CDH13: variants seen among roughly 807,000 people sequenced by gnomAD.
CDH13 encodes the protein cadherin 13.
A neutral mutation model predicts 63.8 loss-of-function variants in CDH13; 24 were observed. The ratio of observed to expected loss-of-function variants is 0.38; its 90% confidence interval spans 0.27 to 0.53. The LOEUF is 0.53. Among genes scored for constraint, CDH13 ranks in the 20% least tolerant of loss-of-function variants. The pLI, the probability that CDH13 is intolerant of heterozygous loss-of-function variation, is 0.85. For missense variants in CDH13, 1,049 were observed against 903.1 expected, an observed-to-expected ratio of 1.16 and a Z score of -2.07; for synonymous variants, 503 against 355.3, an observed-to-expected ratio of 1.42 and a Z score of -4.67.
At chr16:82,731,945 G>T (rs970682979) in intron 1 of CDH13, among the ~76,000 whole-genome samples, 8 of 152,068 alleles carry the variant, frequency 5.3e-5, no homozygotes, top group Non-Finnish European at 1.0e-4. Context: ...CCTTTGAGTG[G>T]TTCCTCCACC....
intron 6 of CDH13, among the ~76,000 whole-genome samples, chr16:83,353,307 C>G (rs566149962): frequency 6.6e-6 from 1 of 152,346 alleles, no homozygotes; most frequent in South Asian, 2.1e-4. Context: ...GGCTCAGAAC[C>G]AAGACAGTCG....
intron 7 of CDH13, among the ~76,000 whole-genome samples, chr16:83,547,284 A>C (rs1290135457): frequency 6.6e-6 from 1 of 152,222 alleles, no homozygotes; most frequent in Non-Finnish European, 1.5e-5. Context: ...AACCTGGATA[A>C]GTGGCTGTTG....
intron 9 of CDH13, among the ~76,000 whole-genome samples, chr16:83,677,078 G>A (rs1915015053): frequency 6.6e-6 from 1 of 152,180 alleles, no homozygotes; most frequent in Non-Finnish European, 1.5e-5. Context: ...GTTCCAGTAA[G>A]CATTAGGAAC....
chr16:83,508,053 G>GAAGAAGGAAGGAAGGAAGGA (rs1432763500), intron 7 of CDH13, among the ~76,000 whole-genome samples: 4,215 of 66,796 alleles, frequency 0.063, 779 homozygotes, highest in South Asian at 0.11. Flanking sequence ...GAGAGAAAGA[G>GAAGAAGGAAGGAAGGAAGGA]AAGAAGGAAG....
chr16:83,745,232 G>C (rs944974521), intron 10 of CDH13, among the ~76,000 whole-genome samples: 1 of 152,152 alleles, frequency 6.6e-6, no homozygotes, highest in South Asian at 2.1e-4. Context: ...CAGGCCAGAC[G>C]CCTTCCAGGA....
intron 4 of CDH13, among the ~76,000 whole-genome samples, chr16:83,146,571 A>C (rs2036759882): frequency 6.6e-6 from 1 of 152,254 alleles, no homozygotes; most frequent in Non-Finnish European, 1.5e-5. Flanking sequence ...TTCTATTTCA[A>C]GAAAGCAAGA....
intron 5 of CDH13, among the ~76,000 whole-genome samples, chr16:83,257,037 A>G (rs1366957415): frequency 6.6e-6 from 1 of 152,044 alleles, no homozygotes; most frequent in Non-Finnish European, 1.5e-5. Flanking sequence ...AAGAAAGCAA[A>G]CACTGAACCA....
At chr16:83,444,255 G>A (rs766797829) in intron 6 of CDH13, among the ~76,000 whole-genome samples, 3 of 152,234 alleles carry the variant, frequency 2.0e-5, no homozygotes, top group Non-Finnish European at 4.4e-5. Flanking sequence ...TGATGGTAGA[G>A]GCTTACATTG....
intron 3 of CDH13, among the ~76,000 whole-genome samples, chr16:83,082,904 C>G (rs939239778): frequency 3.3e-5 from 5 of 152,124 alleles, no homozygotes; most frequent in African/African-American, 4.8e-5. Flanking sequence ...TCAGGCCATG[C>G]AAAGGGAAAA....
intron 3 of CDH13, among the ~76,000 whole-genome samples, chr16:83,093,470 C>G (rs913221725): frequency 6.6e-6 from 1 of 151,686 alleles, no homozygotes; most frequent in Non-Finnish European, 1.5e-5. Flanking sequence ...AGGCACCCAC[C>G]ACCATGCCTG....
rs192446571 is a variant in CDH13, at chr16:82,719,062, G to A, written c.45+91925G>A. On this transcript the variant is annotated intron_variant, in intron 1 of 13. Coordinates refer to ENST00000567109, the MANE Select transcript of CDH13 (RefSeq NM_001257.5). ...CACTGAGGTCAATATCTCTTTCCCTGGGTGGTTATGAGCCTTAAATCAGCT... is the reference window on the plus strand; with the variant it reads ...CACTGAGGTCAATATCTCTTTCCCTAGGTGGTTATGAGCCTTAAATCAGCT... Among the ~76,000 whole-genome samples the A allele has an allele frequency of 9.2e-5, 14 of 152,260 alleles. No homozygotes were observed. In the East Asian group the frequency reaches 2.5e-3, roughly 27 times the overall value.
At chr16:83,512,455 G>C (rs976269340) in intron 7 of CDH13, among the ~76,000 whole-genome samples, 1 of 151,038 alleles carries the variant, frequency 6.6e-6, no homozygotes, top group Admixed American at 6.6e-5. Context: ...TGGATCACGA[G>C]GTCAGGAGTT....
At chr16:83,554,770 C>A (rs536162349) in intron 7 of CDH13, among the ~76,000 whole-genome samples, 38 of 152,240 alleles carry the variant, frequency 2.5e-4, no homozygotes, top group African/African-American at 8.9e-4. Flanking sequence ...TATTATTGAT[C>A]TTTGTAGCCA....
intron 1 of CDH13, among the ~76,000 whole-genome samples, chr16:82,817,511 A>G (rs1024242360): frequency 5.3e-5 from 8 of 152,190 alleles, no homozygotes; most frequent in African/African-American, 9.7e-5. Context: ...ACATATATAC[A>G]TACAAATATA....
intron 1 of CDH13, among the ~76,000 whole-genome samples, chr16:82,653,017 G>A (rs575698814): frequency 3.8e-4 from 58 of 152,312 alleles, no homozygotes; most frequent in African/African-American, 1.3e-3. Context: ...AAGGTAGTCC[G>A]TGACCCCAGG....
At chr16:82,878,703 G>T (rs2040590089) in intron 2 of CDH13, among the ~76,000 whole-genome samples, 2 of 151,328 alleles carry the variant, frequency 1.3e-5, no homozygotes, top group Non-Finnish European at 2.9e-5. Context: ...GACACAAGCA[G>T]TTGGCAGGGA....
intron 1 of CDH13, among the ~76,000 whole-genome samples, chr16:82,809,012 CG>C (rs1014741435): frequency 1.3e-5 from 2 of 151,742 alleles, no homozygotes; most frequent in African/African-American, 4.8e-5. Flanking sequence ...TATATATACA[CG>C]TTATATATAT....
chr16:83,502,667 G>A (rs2074308728), intron 7 of CDH13, among the ~76,000 whole-genome samples: 1 of 152,176 alleles, frequency 6.6e-6, no homozygotes, highest in African/African-American at 2.4e-5. Flanking sequence ...TTAGTTTTGG[G>A]GGCTTGAAAG....
intron 2 of CDH13, among the ~76,000 whole-genome samples, chr16:82,992,354 A>G (rs12446938): frequency 0.022 from 3,364 of 152,362 alleles, 63 homozygotes; most frequent in Middle Eastern, 0.044. Flanking sequence ...TCAAGACTCC[A>G]TTAAATGGAG....
Sources: allele counts gnomAD v4.1 joint callset (sites outside exome capture counted in the v4.1 genomes callset), GRCh38; gene constraint gnomAD v4.1.1; transcripts MANE v1.5; gene names NCBI Gene and HGNC (gene_info 2026-07-23, HGNC 2026-07-21).